RIMS1: variants seen among roughly 807,000 people sequenced by gnomAD.
The protein encoded by RIMS1 is regulating synaptic membrane exocytosis 1.
Under a neutral mutation model 214.1 loss-of-function variants are expected in RIMS1, and 83 were observed. The ratio of observed to expected loss-of-function variants is 0.39; its 90% CI spans 0.32 to 0.47. RIMS1 has a LOEUF of 0.47. Among genes scored for constraint, RIMS1 ranks in the 20% least tolerant of loss-of-function variants. RIMS1 has a pLI of 0.99. For missense variants in RIMS1, 2,050 were observed against 2,161.8 expected (o/e 0.95, Z 1.03); for synonymous variants, 793 against 786.8 (o/e 1.01, Z -0.13).
chr6:71,894,518 A>C (rs1214606341), intron 1 of RIMS1, among the ~76,000 whole-genome samples: 2 of 152,346 alleles, frequency 1.3e-5, no homozygotes, highest in African/African-American at 4.8e-5. Flanking sequence ...GCAAAGCTGA[A>C]TTTAAAATTT....
At chr6:72,333,483 C>A in intron 28 of RIMS1, 117 bp from the exon 29 acceptor site, 1 of 787,996 alleles carries the variant, frequency 1.3e-6, no homozygotes, top group Non-Finnish European at 2.1e-6. Context: ...CACTACTCAA[C>A]TGCATTTTCT....
intron 4 of RIMS1, among the ~76,000 whole-genome samples, chr6:72,165,904 T>G (rs2046185057): frequency 6.6e-6 from 1 of 152,226 alleles, no homozygotes; most frequent in Non-Finnish European, 1.5e-5. Context: ...TTGGGGGAAC[T>G]GGCACCTTAA....
chr6:72,242,122 A>AAAAGAAAAG (rs1229052315), intron 9 of RIMS1, among the ~76,000 whole-genome samples, 192 bp from the exon 10 acceptor site: 1 of 152,130 alleles, frequency 6.6e-6, no homozygotes, highest in African/African-American at 2.4e-5. Context: ...AAAGAAAAAC[A>AAAAGAAAAG]AAAGAAAAGA....
chr6:72,200,001 CTTAT>C (rs1364170013), intron 6 of RIMS1, among the ~76,000 whole-genome samples: 21 of 152,024 alleles, frequency 1.4e-4, no homozygotes, highest in Non-Finnish European at 7.4e-5. Context: ...ATGGGAAGCT[CTTAT>C]TTATTTTAAT....
chr6:72,181,461 T>G (rs1005640896), intron 5 of RIMS1, among the ~76,000 whole-genome samples: 1 of 152,198 alleles, frequency 6.6e-6, no homozygotes, highest in African/African-American at 2.4e-5. Context: ...TATCTTTAAA[T>G]AAGATAGAGA....
At chr6:71,997,903 G>T (rs1450461846) in intron 2 of RIMS1, among the ~76,000 whole-genome samples, 2 of 152,022 alleles carry the variant, frequency 1.3e-5, no homozygotes, top group African/African-American at 2.4e-5. Context: ...AAGTAAATTA[G>T]CTTGCTCTTC....
At chr6:71,998,006 C>T (rs532330515) in intron 2 of RIMS1, among the ~76,000 whole-genome samples, 93 of 151,980 alleles carry the variant, frequency 6.1e-4, no homozygotes, top group African/African-American at 2.0e-3. Context: ...TGTTCATGTC[C>T]AGCATTGCCA....
intron 29 of RIMS1, among the ~76,000 whole-genome samples, chr6:72,371,822 G>T (rs1312744567): frequency 6.6e-6 from 1 of 152,186 alleles, no homozygotes; most frequent in Non-Finnish European, 1.5e-5. Context: ...AGCCCTGAAT[G>T]TGAGTTCTAA....
chr6:72,013,850 A>G (rs965285860), intron 2 of RIMS1, among the ~76,000 whole-genome samples: 6 of 152,170 alleles, frequency 3.9e-5, no homozygotes, highest in African/African-American at 1.4e-4. Context: ...CATCACCTCA[A>G]AAAGAAAACC....
intron 2 of RIMS1, among the ~76,000 whole-genome samples, chr6:72,074,725 C>T (rs1831373516): frequency 6.6e-6 from 1 of 152,082 alleles, no homozygotes. Context: ...AGGGAAGTAT[C>T]TTGAAGATGA....
Position 72,005,186 on chromosome 6 carries a change from T to C in RIMS1, c.245+36123T>C, listed in dbSNP as rs562665980. Reference sequence around the variant, plus strand: ...GTCAAAGATCAGATAGTTTTAGATATGCGGCGTTATTTCTGAGGGCTCTGT... The same window carrying C: ...GTCAAAGATCAGATAGTTTTAGATACGCGGCGTTATTTCTGAGGGCTCTGT... On this transcript the variant is annotated intron_variant, in intron 2 of 33. Coordinates refer to ENST00000521978, the MANE Select transcript of RIMS1 (RefSeq NM_014989.7). Among the ~76,000 whole-genome samples, 14 of 152,338 alleles carry C rather than the reference T, an allele frequency of 9.2e-5. No homozygotes were observed. The East Asian group carries it at 2.7e-3, about 29-fold the overall frequency.
At chr6:72,285,461 A>AC (rs2091964749) in intron 24 of RIMS1, among the ~76,000 whole-genome samples, 1 of 152,244 alleles carries the variant, frequency 6.6e-6, no homozygotes, top group South Asian at 2.1e-4. Context: ...CTGAGTTGAG[A>AC]TCTGAAAAAT....
Position 72,294,645 on chromosome 6 carries a change from G to T in RIMS1, c.3850+2599G>T, listed in dbSNP as rs1363658309. The stretch of plus-strand genomic sequence containing the variant: ...GGACAATTTGACTGTTTCACTGGAA[G>T]TATTTTTTTTCTTATAAATCAAATA... On this transcript the variant is annotated intron_variant, in intron 26 of 33. Coordinates refer to ENST00000521978, the MANE Select transcript of RIMS1 (RefSeq NM_014989.7). 2.0e-5 allele frequency among the ~76,000 whole-genome samples: 3 copies of T among 151,586 alleles called. No homozygotes were observed. In the East Asian group the frequency reaches 5.8e-4, roughly 29 times the overall value.
At chr6:72,259,256 G>A (rs1453154623) in intron 18 of RIMS1, 145 bp downstream of exon 18, 1 of 535,112 alleles carries the variant, frequency 1.9e-6, no homozygotes, top group Non-Finnish European at 3.2e-6. Flanking sequence ...TTAACATATT[G>A]TAATAGAAAT....
intron 6 of RIMS1, among the ~76,000 whole-genome samples, chr6:72,191,805 T>A (rs1370006899): frequency 2.0e-5 from 3 of 152,182 alleles, no homozygotes; most frequent in South Asian, 2.1e-4. Flanking sequence ...TTATGATAAT[T>A]CACTGTCGTT....
chr6:72,203,147 T>A (rs1202688006), intron 6 of RIMS1, among the ~76,000 whole-genome samples: 1 of 151,842 alleles, frequency 6.6e-6, no homozygotes, highest in African/African-American at 2.4e-5. Context: ...GCCACCACAT[T>A]TGGCTAATTT....
intron 2 of RIMS1, among the ~76,000 whole-genome samples, chr6:72,043,362 T>C (rs1822000855): frequency 6.6e-6 from 1 of 151,770 alleles, no homozygotes; most frequent in East Asian, 1.9e-4. Flanking sequence ...AGGAAGAAAA[T>C]CTTTTAAAAG....
intron 1 of RIMS1, among the ~76,000 whole-genome samples, chr6:71,945,412 C>T (rs528675561): frequency 6.6e-6 from 1 of 152,180 alleles, no homozygotes; most frequent in South Asian, 2.1e-4. Context: ...TCTAGTTTGC[C>T]TGTGTGTCCC....
At chr6:72,290,536 C>G in intron 24 of RIMS1, 143 bp from the exon 25 acceptor site, 1 of 684,990 alleles carries the variant, frequency 1.5e-6, no homozygotes, top group Non-Finnish European at 2.4e-6. Context: ...ATTTGAATTC[C>G]ATTTCAATAA....
Sources: gnomAD v4.1 joint callset for allele counts (sites outside exome capture counted in the v4.1 genomes callset) on GRCh38, gnomAD v4.1.1 for gene constraint, MANE v1.5 for transcripts, NCBI Gene and HGNC (gene_info 2026-07-23, HGNC 2026-07-21) for gene names.